SLC16A1: variants seen among roughly 807,000 people sequenced by gnomAD.
SLC16A1 encodes the protein solute carrier family 16 member 1, also known as monocarboxylate transporter 1.
Under a neutral mutation model 32.2 loss-of-function variants are expected in SLC16A1, and 11 were observed. The ratio of observed to expected loss-of-function variants is 0.34; its 90% CI spans 0.21 to 0.56. The LOEUF (loss-of-function observed/expected upper bound fraction) is 0.56. Ranked by LOEUF, SLC16A1 falls within the 20% of genes least tolerant of loss-of-function variation. The pLI is 0.87. For synonymous variants in SLC16A1, 231 were observed against 226.8 expected, an observed-to-expected ratio of 1.02 and a Z score of -0.17; for missense variants, 435 against 615.0, an observed-to-expected ratio of 0.71 and a Z score of 3.10.
Position 112,917,424 on chromosome 1 carries a change from G to A in SLC16A1, c.982C>T (p.Arg328Ter), listed in dbSNP as rs606231310. ...LVANTKPIRP[R>*]IQYFFAASVV... Reference sequence around the variant, plus strand: ...GAAGCCGCAAAGAAATACTGAATTCGAGGTCTTATTGGCTTTGTGTTGGCT... The same window carrying A: ...GAAGCCGCAAAGAAATACTGAATTCAAGGTCTTATTGGCTTTGTGTTGGCT... The change falls in exon 4 of 5, where the codon CGA becomes TGA. Residue 328 changes from arginine to a stop codon, truncating the protein, a stop_gained. Transcript: ENST00000369626. LOFTEE classifies it high-confidence loss of function. This position sits in a 1 kb window ranked among gnomAD's most constrained non-coding sequence, Gnocchi z 4.1. The A allele has an allele frequency of 1.9e-6, 3 of 1,614,180 alleles. No homozygotes were observed. Among genetic ancestry groups the A allele is most frequent in the South Asian group, 1.1e-5 (1 of 91,068 alleles).
rs1468245184 is a variant in SLC16A1 at position 112,912,826 on chromosome 1, AC to A, written c.*1064del. 6.6e-6 allele frequency: 1 copy of A among 152,012 alleles called. No individual in the cohort carries two copies. Among genetic ancestry groups the A allele is most frequent in the Non-Finnish European group, 1.5e-5 (1 of 67,994 alleles). 9.4% of individuals were successfully genotyped at this position (152,012 alleles called of 1,614,324 possible). Reference sequence around the variant, plus strand: ...ACCTTAAAAAAAAAAAAACAAAAAAACAAAAACACCAAACACACACATATCT... The same window carrying A: ...ACCTTAAAAAAAAAAAAACAAAAAAAAAAAACACCAAACACACACATATCT... On this transcript the variant is annotated 3_prime_UTR_variant, in exon 5 of 5. Transcript: ENST00000369626.
chr1:112,943,788 A>G (rs931377730), intron 1 of SLC16A1, among the ~76,000 whole-genome samples: 3 of 112,674 alleles, frequency 2.7e-5, no homozygotes, highest in Non-Finnish European at 4.7e-5. Flanking sequence ...ACTCCATCTC[A>G]AAAAAAAAAA....
chr1:112,921,154 AAAG>A (rs1648718924), intron 3 of SLC16A1, among the ~76,000 whole-genome samples: 1 of 151,992 alleles, frequency 6.6e-6, no homozygotes, highest in South Asian at 2.1e-4. Context: ...AAAAAAAAAA[AAAG>A]AAAAGAAAAT....
rs55675593 is a variant in SLC16A1 at position 112,919,011 on chromosome 1, T to TTTTATTTATTTATTTATTTATTTATTTA, written c.362-995_362-968dup. Among the ~76,000 whole-genome samples, 45 of 144,292 alleles carry TTTTATTTATTTATTTATTTATTTATTTA rather than the reference T, an allele frequency of 3.1e-4. 1 individual carries two copies. Among genetic ancestry groups the TTTTATTTATTTATTTATTTATTTATTTA allele is most frequent in the Non-Finnish European group, 3.9e-4 (26 of 66,302 alleles). The allele number at this position is 144,292 out of a possible 152,430, so 94.7% of individuals were successfully genotyped here. A position where few individuals can be genotyped will look rare whatever the true frequency, so the allele number is the denominator to read the frequency against. ...CTCCTGAAATGAATGTACTAATTTA[T>TTTTATTTATTTATTTATTTATTTATTTA]TTTATTTATTTATTTATTTATTTAT... On this transcript the variant is annotated intron_variant, in intron 3 of 4. Coordinates refer to ENST00000369626, the MANE Select transcript of SLC16A1 (RefSeq NM_003051.4).
chr1:112,933,180 A>G (rs923628511), intron 1 of SLC16A1, among the ~76,000 whole-genome samples: 2 of 152,116 alleles, frequency 1.3e-5, no homozygotes, highest in Non-Finnish European at 2.9e-5. Flanking sequence ...ACAACTATAA[A>G]AAAAGTTGGC....
intron 2 of SLC16A1, chr1:112,923,573 T>C (rs1451986258): frequency 7.5e-7 from 1 of 1,325,848 alleles, no homozygotes; most frequent in African/African-American, 1.4e-5. Flanking sequence ...TGAAAATTGA[T>C]ACCAAGGCCA....
rs1023847803 is a variant in SLC16A1 at position 112,923,394 on chromosome 1, G to C, written c.218-1261C>G. 1.2e-4 allele frequency: 73 copies of C among 619,346 alleles called. No individual in the cohort carries two copies. The African/African-American group carries it at 1.2e-3, about 10-fold the overall frequency. 38.4% of individuals were successfully genotyped at this position (619,346 alleles called of 1,614,324 possible). A position where few individuals can be genotyped will look rare whatever the true frequency, so the allele number is the denominator to read the frequency against. ...TTCCAACCACTGCACGTTGCTCCCG[G>C]GCTGTCGCAGTCTCCTGTTGCCGCC... On this transcript the variant is annotated intron_variant, in intron 2 of 4. Transcript: ENST00000369626.
chr1:112,924,655 G>T (rs1648871969), intron 2 of SLC16A1, among the ~76,000 whole-genome samples: 2 of 152,146 alleles, frequency 1.3e-5, no homozygotes, highest in African/African-American at 4.8e-5. Context: ...AAGTAGTGTT[G>T]CAATTAGGTA....
intron 1 of SLC16A1, among the ~76,000 whole-genome samples, chr1:112,954,134 T>C (rs1191044169): frequency 6.6e-6 from 1 of 152,168 alleles, no homozygotes; most frequent in Non-Finnish European, 1.5e-5. Flanking sequence ...ATCTTCCTAG[T>C]CCTCAACTGC....
intron 3 of SLC16A1, among the ~76,000 whole-genome samples, chr1:112,920,751 C>T (rs760943560): frequency 3.3e-5 from 5 of 151,878 alleles, no homozygotes; most frequent in Non-Finnish European, 5.9e-5. Context: ...AAGATGGAAA[C>T]CATAAAATAC....
intron 3 of SLC16A1, among the ~76,000 whole-genome samples, chr1:112,921,096 G>C (rs548973313): frequency 2.7e-5 from 4 of 149,942 alleles, no homozygotes; most frequent in Non-Finnish European, 5.9e-5. Context: ...AGCTGAGATC[G>C]CGCCACTGCA....
chr1:112,939,481 T>C (rs1649427683), intron 1 of SLC16A1, among the ~76,000 whole-genome samples: 2 of 152,164 alleles, frequency 1.3e-5, no homozygotes, highest in African/African-American at 4.8e-5. Flanking sequence ...GGAAGCAACC[T>C]AAATGTCCAT....
chr1:112,924,585 A>AAAC (rs1295210126), intron 2 of SLC16A1, among the ~76,000 whole-genome samples: 2 of 152,196 alleles, frequency 1.3e-5, no homozygotes, highest in African/African-American at 2.4e-5. Flanking sequence ...AAACAAACAA[A>AAAC]AACAACAACA....
At chr1:112,929,470 T>C (rs1307146729) in intron 1 of SLC16A1, 118 bp from the exon 2 acceptor site, 3 of 670,216 alleles carry the variant, frequency 4.5e-6, no homozygotes, top group Non-Finnish European at 5.2e-6. Context: ...TCCCAGCTAC[T>C]TGGGAGGTTG....
At chr1:112,951,845 A>T (rs1488361594) in intron 1 of SLC16A1, among the ~76,000 whole-genome samples, 1 of 152,168 alleles carries the variant, frequency 6.6e-6, no homozygotes, top group East Asian at 1.9e-4. Context: ...TAAAACATAA[A>T]CTTTAACTTG....
intron 1 of SLC16A1, among the ~76,000 whole-genome samples, chr1:112,939,031 CA>C (rs1474224903): frequency 1.3e-5 from 2 of 151,774 alleles, no homozygotes; most frequent in African/African-American, 4.8e-5. Context: ...GCTGGGATTG[CA>C]GGCACACGCC....
chr1:112,954,698 C>A (rs2101657178), intron 1 of SLC16A1, among the ~76,000 whole-genome samples: 1 of 152,144 alleles, frequency 6.6e-6, no homozygotes, highest in East Asian at 1.9e-4. Flanking sequence ...GCATATTTAA[C>A]AATGGTAACT....
intron 1 of SLC16A1, among the ~76,000 whole-genome samples, chr1:112,930,655 C>A (rs1244035325): frequency 6.6e-6 from 1 of 151,656 alleles, no homozygotes; most frequent in Non-Finnish European, 1.5e-5. Context: ...CTTAGATAAC[C>A]AAATGCCCCA....
At chr1:112,914,607 T>G (rs1648438467) in intron 4 of SLC16A1, among the ~76,000 whole-genome samples, 1 of 152,240 alleles carries the variant, frequency 6.6e-6, no homozygotes, top group Admixed American at 6.5e-5. Flanking sequence ...GCTAAAAATT[T>G]AAAAGCAATA....
Sources: allele counts gnomAD v4.1 joint callset (sites outside exome capture counted in the v4.1 genomes callset), GRCh38; gene constraint gnomAD v4.1.1; non-coding constraint Gnocchi (gnomAD v3.1); transcripts MANE v1.5; gene names NCBI Gene and HGNC (gene_info 2026-07-23, HGNC 2026-07-21).